HNF4G: variants seen among roughly 807,000 people sequenced by gnomAD.
The protein encoded by HNF4G is hepatocyte nuclear factor 4-gamma.
HNF4G carries 21 observed loss-of-function variants against 50.9 expected under a neutral mutation model. The ratio of observed to expected loss-of-function variants is 0.41; its 90% confidence interval spans 0.29 to 0.59. HNF4G has a LOEUF of 0.59. Ranked by LOEUF, HNF4G falls within the 20% of genes least tolerant of loss-of-function variation. HNF4G has a pLI of 0.26. For missense variants in HNF4G, 527 were observed against 559.4 expected (o/e 0.94, Z 0.58); for synonymous variants, 198 against 185.6 (o/e 1.07, Z -0.54).
chr8:75,454,127 C>T (rs978271260), intron 1 of HNF4G, among the ~76,000 whole-genome samples: 3 of 148,176 alleles, frequency 2.0e-5, no homozygotes, highest in Non-Finnish European at 4.5e-5. Context: ...CTCCTCCTCT[C>T]CCCCACTCCA....
chr8:75,537,539 C>A (rs1400278702), upstream of HNF4G, among the ~76,000 whole-genome samples: 1 of 152,024 alleles, frequency 6.6e-6, no homozygotes, highest in Non-Finnish European at 1.5e-5. Flanking sequence ...AGCTACCGTG[C>A]CTGGCTAAAA....
Position 75,563,126 on chromosome 8 carries a change from A to C in HNF4G, c.1247-849A>C, listed in dbSNP as rs572104118. On this transcript the variant is annotated intron_variant, in intron 9 of 9. Transcript: ENST00000396423. Reference sequence around the variant, plus strand: ...ATAAAGTTTACAAAGCCTCAGCCTGATCATCAAACATTTTCTGTTAGTTCT... The same window carrying C: ...ATAAAGTTTACAAAGCCTCAGCCTGCTCATCAAACATTTTCTGTTAGTTCT... Among the ~76,000 whole-genome samples, 9 of 152,276 alleles carry C rather than the reference A, an allele frequency of 5.9e-5. No homozygotes were observed. In the South Asian group the frequency reaches 1.9e-3, roughly 32 times the overall value.
chr8:75,432,591 A>T (rs1404197214), intron 1 of HNF4G, among the ~76,000 whole-genome samples: 3 of 152,192 alleles, frequency 2.0e-5, no homozygotes, highest in African/African-American at 7.2e-5. Context: ...ATAAGCCACC[A>T]TGCCCAGCCA....
At chr8:75,540,551 A>G (rs1806587603) in intron 1 of HNF4G, among the ~76,000 whole-genome samples, 1 of 152,164 alleles carries the variant, frequency 6.6e-6, no homozygotes, top group Non-Finnish European at 1.5e-5. Context: ...GAGAAACTAC[A>G]TTTAAAATTA....
chr8:75,538,063 A>G (rs553917338), upstream of HNF4G, among the ~76,000 whole-genome samples: 56 of 152,270 alleles, frequency 3.7e-4, no homozygotes, highest in African/African-American at 1.3e-3. Context: ...CTACATCTGA[A>G]TATCATTACA....
At chr8:75,468,062 T>C (rs1054542324) in intron 1 of HNF4G, among the ~76,000 whole-genome samples, 4 of 152,210 alleles carry the variant, frequency 2.6e-5, no homozygotes, top group African/African-American at 9.6e-5. Flanking sequence ...TACAAATAAT[T>C]ATATCATTGC....
At chr8:75,422,311 T>C (rs578028537) in intron 1 of HNF4G, among the ~76,000 whole-genome samples, 38 of 152,304 alleles carry the variant, frequency 2.5e-4, no homozygotes, top group African/African-American at 5.3e-4. Context: ...TGATATCCAC[T>C]AAGTTCTAAG....
At chr8:75,487,199 A>G (rs1269791995) in intron 1 of HNF4G, among the ~76,000 whole-genome samples, 1 of 152,170 alleles carries the variant, frequency 6.6e-6, no homozygotes, top group Non-Finnish European at 1.5e-5. Context: ...GCCAACTTGC[A>G]GACAGGTTTT....
At chr8:75,562,212 G>A (rs1218402295) in intron 9 of HNF4G, among the ~76,000 whole-genome samples, 1 of 152,018 alleles carries the variant, frequency 6.6e-6, no homozygotes, top group Non-Finnish European at 1.5e-5. Context: ...GGCATTGGTA[G>A]GGAACGTAGA....
intron 1 of HNF4G, among the ~76,000 whole-genome samples, chr8:75,486,025 C>T (rs1812489718): frequency 6.6e-6 from 1 of 152,178 alleles, no homozygotes; most frequent in Admixed American, 6.6e-5. Context: ...CCATATCCTT[C>T]ATCCAAAGCA....
intron 2 of HNF4G, among the ~76,000 whole-genome samples, chr8:75,519,211 C>T (rs1160697932): frequency 6.6e-6 from 1 of 152,188 alleles, no homozygotes; most frequent in Non-Finnish European, 1.5e-5. Context: ...CCAACAAGTT[C>T]CTCATCTCCA....
intron 2 of HNF4G, among the ~76,000 whole-genome samples, chr8:75,532,255 C>A (rs753938139): frequency 6.9e-4 from 105 of 151,908 alleles, no homozygotes; most frequent in Non-Finnish European, 9.1e-4. Flanking sequence ...TCATTTCTGG[C>A]TGATTATTTT....
intron 2 of HNF4G, among the ~76,000 whole-genome samples, chr8:75,496,528 A>G (rs949289284): frequency 6.6e-6 from 1 of 152,010 alleles, no homozygotes; most frequent in African/African-American, 2.4e-5. Context: ...TTAAACAGCC[A>G]CCAGAATTCT....
intron 1 of HNF4G, among the ~76,000 whole-genome samples, chr8:75,453,558 G>C (rs1310818191): frequency 7.0e-6 from 1 of 143,378 alleles, no homozygotes. Context: ...TTTCCATGCT[G>C]TGGAAGCTTT....
Position 75,517,465 on chromosome 8 carries a change from G to T in HNF4G, c.-23-26346G>T, listed in dbSNP as rs181486343. Among the ~76,000 whole-genome samples, 619 of 152,232 alleles carry T rather than the reference G, an allele frequency of 4.1e-3. 1 individual carries two copies. The highest frequency in any genetic ancestry group is 6.0e-3 in the Non-Finnish European group (411 of 68,006). On this transcript the variant is annotated intron_variant, in intron 2 of 10. Coordinates refer to the HNF4G transcript ENST00000354370. ...ATTAGTTACTTCCAACATACGATGG[G>T]GGTACAGGCATTGGGTAAATACACC...
chr8:75,541,326 G>A (rs547565724), intron 1 of HNF4G, among the ~76,000 whole-genome samples: 1 of 152,222 alleles, frequency 6.6e-6, no homozygotes, highest in South Asian at 2.1e-4. Context: ...CAATATGTAA[G>A]TATGGCACTA....
intron 3 of HNF4G, among the ~76,000 whole-genome samples, chr8:75,548,237 A>T (rs1806847377): frequency 6.6e-6 from 1 of 152,090 alleles, no homozygotes; most frequent in Non-Finnish European, 1.5e-5. Context: ...CACCCCTCTC[A>T]GCCTCCCAAA....
rs146881485 is a variant in HNF4G at position 75,472,383 on chromosome 8, A to T, written c.-143-17706A>T. Among the ~76,000 whole-genome samples, 300 of 152,246 alleles carry T rather than the reference A, an allele frequency of 2.0e-3. 1 individual carries two copies. Among genetic ancestry groups the T allele is most frequent in the African/African-American group, 6.8e-3 (281 of 41,534 alleles). The stretch of plus-strand genomic sequence containing the variant: ...TGGCCCACTTTGAAATCTCCATTGA[A>T]TCCTGTAAACTTTGTGCAGTAGAAT... On this transcript the variant is annotated intron_variant, in intron 1 of 10. Transcript: ENST00000354370.
At chr8:75,426,319 G>T (rs899734407) in intron 1 of HNF4G, among the ~76,000 whole-genome samples, 1 of 152,086 alleles carries the variant, frequency 6.6e-6, no homozygotes, top group Non-Finnish European at 1.5e-5. Flanking sequence ...TTTCTCCATT[G>T]CACTTCCTCT....
Sources: gnomAD v4.1 joint callset for allele counts (sites outside exome capture counted in the v4.1 genomes callset) on GRCh38, gnomAD v4.1.1 for gene constraint, MANE v1.5 for transcripts, NCBI Gene and HGNC (gene_info 2026-07-23, HGNC 2026-07-21) for gene names.